Variants in ARHGAP23 observed in about 807,000 individuals in gnomAD.
ARHGAP23 encodes Rho GTPase activating protein 23.
ARHGAP23 carries 34 observed loss-of-function variants against 136.3 expected under a neutral mutation model. The ratio of observed to expected loss-of-function variants is 0.25; its 90% CI spans 0.19 to 0.33. ARHGAP23 has a LOEUF of 0.33. Ranked by LOEUF, ARHGAP23 falls within the 10% of genes least tolerant of loss-of-function variation. ARHGAP23 has a pLI of 1.00. For synonymous variants in ARHGAP23, 832 were observed against 920.5 expected (o/e 0.90, Z 1.74); for missense variants, 1,808 against 2,139.0 (o/e 0.85, Z 3.05).
At chr17:38,493,272 G>A (rs532274522) in intron 20 of ARHGAP23, among the ~76,000 whole-genome samples, 3 of 151,128 alleles carry the variant, frequency 2.0e-5, no homozygotes, top group African/African-American at 7.3e-5. Flanking sequence ...GGCAGATACG[G>A]CCCACTTCCA....
At chr17:38,428,616 G>A (rs2038614043) in intron 1 of ARHGAP23, 68 bp downstream of exon 1, 5 of 1,143,898 alleles carry the variant, frequency 4.4e-6, no homozygotes, top group Non-Finnish European at 4.5e-6. Flanking sequence ...CCAAGCCAGG[G>A]TCGCTGCGAC....
At position 38,458,270 on chromosome 17, in the gene ARHGAP23, C is replaced by G; in HGVS notation, c.225+7C>G. On this transcript the variant is annotated splice_region_variant and intron_variant, in intron 2 of 23. Transcript: ENST00000622683. ...CGTGCACTGCAGCCTGAAGGTATGCCCGGCTCGCCGCTGCCCTGGTCTGGG... is the reference window on the plus strand; with the variant it reads ...CGTGCACTGCAGCCTGAAGGTATGCGCGGCTCGCCGCTGCCCTGGTCTGGG... 6.6e-7 allele frequency: 1 copy of G among 1,509,600 alleles called. No homozygotes were observed. The highest frequency in any genetic ancestry group is 1.7e-4 in the Middle Eastern group (1 of 5,860). 93.5% of individuals were successfully genotyped at this position (1,509,600 alleles called of 1,614,324 possible). A position where few individuals can be genotyped will look rare whatever the true frequency, so the allele number is the denominator to read the frequency against.
intron 16 of ARHGAP23, 138 bp downstream of exon 16, chr17:38,482,816 A>G: frequency 9.3e-7 from 1 of 1,079,286 alleles, no homozygotes; most frequent in Non-Finnish European, 1.3e-6. Context: ...GAACACCAAG[A>G]TGGGCAAGAT....
At chr17:38,457,126 T>C (rs1255470900) in intron 1 of ARHGAP23, among the ~76,000 whole-genome samples, 1 of 152,164 alleles carries the variant, frequency 6.6e-6, no homozygotes, top group African/African-American at 2.4e-5. Flanking sequence ...GCCAGGCTGG[T>C]CTCGAACTCG....
At chr17:38,509,874 C>T in intron 23 of ARHGAP23, 70 bp from the exon 24 acceptor site, 1 of 1,166,140 alleles carries the variant, frequency 8.6e-7, no homozygotes, top group South Asian at 4.3e-5. Flanking sequence ...TGGGGGTGGA[C>T]CGGGTAGAGC....
intron 8 of ARHGAP23, 47 bp from the exon 9 acceptor site, chr17:38,469,477 A>C (rs1352509902): frequency 6.6e-7 from 1 of 1,524,752 alleles, no homozygotes; most frequent in Non-Finnish European, 8.9e-7. Flanking sequence ...GAAGCCCCTG[A>C]CCTGCTGCCC....
rs2040774888 is a variant in ARHGAP23, at chr17:38,512,044, G to C, written c.*1072G>C. On this transcript the variant is annotated 3_prime_UTR_variant, in exon 24 of 24. Transcript: ENST00000622683. ...CCCTCACTCATTCCAGGGAAGCCCA[G>C]GTAGGTGGTGAACCCGCTGCCACGT... is the stretch of plus-strand genomic sequence containing the variant. The C allele has an allele frequency of 6.6e-6, 1 of 152,210 alleles. No individual in the cohort carries two copies. Among genetic ancestry groups the C allele is most frequent in the Non-Finnish European group, 1.5e-5 (1 of 68,054 alleles). The allele number at this position is 152,210 out of a possible 1,614,324, so 9.4% of individuals were successfully genotyped here.
chr17:38,498,420 G>C lies in ARHGAP23; in HGVS notation c.3325G>C (p.Val1109Leu). 1 of 1,547,958 alleles carries C rather than the reference G, an allele frequency of 6.5e-7. No homozygotes were observed. Among genetic ancestry groups the C allele is most frequent in the Non-Finnish European group, 8.7e-7 (1 of 1,145,870 alleles). Residue 1109 changes from valine (V) to leucine (L), a missense_variant, in exon 22 of 24, where the codon GTG becomes CTG. Val to Leu is a conservative substitution (Grantham distance 32). Coordinates refer to ENST00000622683, the MANE Select transcript of ARHGAP23 (RefSeq NM_001199417.2). ...CCCCTCCTCCTGTTCGCAGACCCCT[G>C]TGGGCGACAAGGAGCCTCAGGCAGT... is the stretch of plus-strand genomic sequence containing the variant. ...DEEDKGERTP[V>L]GDKEPQAVPN...
chr17:38,455,544 G>A (rs1187527055), intron 1 of ARHGAP23, among the ~76,000 whole-genome samples: 1 of 152,216 alleles, frequency 6.6e-6, no homozygotes, highest in Non-Finnish European at 1.5e-5. Flanking sequence ...GATGTGTGCT[G>A]GGGGAGGGGC....
intron 1 of ARHGAP23, among the ~76,000 whole-genome samples, chr17:38,448,571 C>T (rs980676876): frequency 1.3e-5 from 2 of 151,408 alleles, no homozygotes; most frequent in Non-Finnish European, 2.9e-5. Flanking sequence ...GGCTCTGACT[C>T]AGCCTCCAGA....
At chr17:38,445,097 C>A (rs973875599) in intron 1 of ARHGAP23, among the ~76,000 whole-genome samples, 1 of 151,852 alleles carries the variant, frequency 6.6e-6, no homozygotes, top group African/African-American at 2.4e-5. Flanking sequence ...GGATTACAGG[C>A]CTGAGCCACC....
chr17:38,461,025 C>T (rs2039448436), intron 3 of ARHGAP23, 93 bp downstream of exon 3: 1 of 1,486,544 alleles, frequency 6.7e-7, no homozygotes, highest in Non-Finnish European at 8.9e-7. Flanking sequence ...CTGTCCTTTT[C>T]TGTGCCCCCC....
intron 1 of ARHGAP23, among the ~76,000 whole-genome samples, chr17:38,439,264 C>T (rs75549400): frequency 6.8e-4 from 103 of 152,166 alleles, no homozygotes; most frequent in African/African-American, 2.2e-3. Context: ...CTAGAAGGGC[C>T]TTCTCTGCCT....
chr17:38,455,856 C>G (rs1179488650), intron 1 of ARHGAP23, among the ~76,000 whole-genome samples: 2 of 152,196 alleles, frequency 1.3e-5, no homozygotes, highest in African/African-American at 4.8e-5. Flanking sequence ...AGAATTTTCT[C>G]CTCTGGGCTC....
chr17:38,485,173 T>A (rs991418825), intron 16 of ARHGAP23, among the ~76,000 whole-genome samples: 4 of 152,136 alleles, frequency 2.6e-5, no homozygotes, highest in African/African-American at 9.7e-5. Context: ...ATTTGTTGTG[T>A]GGGGTTGTCC....
In ARHGAP23 at chr17:38,466,350, G is replaced by A. The variant is rs879449507; in HGVS notation, c.667G>A (p.Ala223Thr). 2.6e-6 allele frequency: 4 copies of A among 1,541,320 alleles called. No individual in the cohort carries two copies. Among genetic ancestry groups the A allele is most frequent in the Non-Finnish European group, 3.5e-6 (4 of 1,145,528 alleles). ...ACTGCCCAGTGACCCCCGGAGTCCT[G>A]CTGCCTGGAGTGACCCGGGGCTCCG... ...SALPSDPRSP[A>T]AWSDPGLRVP... Residue 223 changes from alanine (A) to threonine (T), a missense_variant, in exon 7 of 24, where the codon GCT becomes ACT. Around this residue, in one of 7 missense-constraint regions of ARHGAP23, gnomAD observed 859 missense variants for 936.4 expected, o/e 0.92. Coordinates refer to ENST00000622683, the MANE Select transcript of ARHGAP23 (RefSeq NM_001199417.2).
rs144926148 is a variant in ARHGAP23, at chr17:38,509,761, G to C, written c.3448-183G>C. Among the ~76,000 whole-genome samples, 1,358 of 152,302 alleles carry C rather than the reference G, an allele frequency of 8.9e-3. 26 individuals are homozygous for C. The highest frequency in any genetic ancestry group is 0.031 in the African/African-American group (1,270 of 41,566). Reference sequence around the variant, plus strand: ...GCCTAGATTTGGGCCAGCGGGGGTAGTCTCTGGACGGAGGGCGGCACGGGG... The same window carrying C: ...GCCTAGATTTGGGCCAGCGGGGGTACTCTCTGGACGGAGGGCGGCACGGGG... On this transcript the variant is annotated intron_variant, in intron 23 of 23. Coordinates refer to ENST00000622683, the MANE Select transcript of ARHGAP23 (RefSeq NM_001199417.2).
intron 23 of ARHGAP23, 65 bp from the exon 24 acceptor site, chr17:38,509,879 T>A: frequency 8.5e-7 from 1 of 1,182,000 alleles, no homozygotes. Flanking sequence ...GTGGACCGGG[T>A]AGAGCGGGGT....
At chr17:38,492,982 A>C (rs1426061258) in intron 20 of ARHGAP23, among the ~76,000 whole-genome samples, 1 of 152,172 alleles carries the variant, frequency 6.6e-6, no homozygotes, top group East Asian at 1.9e-4. Flanking sequence ...GGTGTCAGGA[A>C]CTGCAGCCTT....
Sources: gnomAD v4.1 joint callset for allele counts (sites outside exome capture counted in the v4.1 genomes callset) on GRCh38, gnomAD v4.1.1 for gene constraint, gnomAD v4.1.1 regional missense constraint, MANE v1.5 for transcripts, NCBI Gene and HGNC (gene_info 2026-07-23, HGNC 2026-07-21) for gene names.